FREM1: variants seen among roughly 807,000 people sequenced by gnomAD.
FREM1 encodes FRAS1-related extracellular matrix protein 1.
A neutral mutation model predicts 210.1 loss-of-function variants in FREM1; 220 were observed. That is an observed-to-expected ratio of 1.05 (90% confidence interval 0.94 to 1.17). FREM1 has a LOEUF of 1.17. Among genes scored for constraint, FREM1 ranks in the 50% most tolerant of loss-of-function variants. FREM1 has a pLI of 0.00. For synonymous variants in FREM1, 1,189 were observed against 980.2 expected (o/e 1.21, Z -3.98); for missense variants, 3,454 against 2,675.5 (o/e 1.29, Z -6.42).
intron 1 of FREM1, among the ~76,000 whole-genome samples, chr9:14,879,464 A>G (rs1028607980): frequency 2.0e-5 from 3 of 152,202 alleles, no homozygotes; most frequent in Non-Finnish European, 2.9e-5. Flanking sequence ...TTGTTTCATT[A>G]TTGCCACACA....
intron 11 of FREM1, 117 bp from the exon 12 acceptor site, chr9:14,824,232 C>T (rs1380413827): frequency 1.6e-6 from 1 of 635,966 alleles, no homozygotes; most frequent in Non-Finnish European, 2.8e-6. Context: ...GGTGCTCTAT[C>T]TTTATATTCT....
intron 21 of FREM1, 126 bp from the exon 22 acceptor site, chr9:14,793,010 C>T (rs1393848036): frequency 1.6e-6 from 1 of 613,882 alleles, no homozygotes; most frequent in Non-Finnish European, 2.7e-6. Flanking sequence ...ATATTCAAAG[C>T]ACTGAAGATG....
Position 14,851,618 on chromosome 9 carries a change from A to G in FREM1, c.829-11T>C. On this transcript the variant is annotated splice_polypyrimidine_tract_variant and intron_variant, in intron 5 of 36. Coordinates refer to ENST00000380880, the MANE Select transcript of FREM1 (RefSeq NM_001379081.2). ...CCACGCACTCTCTGACTTTTGAAGG[A>G]TAGAGAAAATATAAAGGAGGAAATA... 4 of 1,577,556 alleles carry G rather than the reference A, an allele frequency of 2.5e-6. No individual in the cohort carries two copies. Among genetic ancestry groups the G allele is most frequent in the Non-Finnish European group, 3.5e-6 (4 of 1,146,752 alleles).
At chr9:14,825,050 T>A (rs565065331) in intron 10 of FREM1, 58 bp from the exon 11 acceptor site, 44 of 1,184,880 alleles carry the variant, frequency 3.7e-5, no homozygotes, top group Admixed American at 2.4e-4. Context: ...ACAAAGAAAA[T>A]GCCCCACAAT....
intron 12 of FREM1, among the ~76,000 whole-genome samples, chr9:14,823,757 C>T (rs1368415455): frequency 6.6e-6 from 1 of 152,164 alleles, no homozygotes; most frequent in South Asian, 2.1e-4. Flanking sequence ...CACCAGATAC[C>T]CAAACTAGAG....
intron 33 of FREM1, 42 bp downstream of exon 33, chr9:14,747,222 A>G: frequency 1.9e-6 from 3 of 1,597,414 alleles, no homozygotes; most frequent in Non-Finnish European, 2.6e-6. Flanking sequence ...CCAGCAAACA[A>G]CTTGTTATAA....
At chr9:14,839,741 AAAG>A (rs1825306477) in intron 10 of FREM1, among the ~76,000 whole-genome samples, 1 of 152,202 alleles carries the variant, frequency 6.6e-6, no homozygotes, top group Non-Finnish European at 1.5e-5. Flanking sequence ...AAAGAAGAAA[AAAG>A]AAGTCCTGAA....
chr9:14,802,155 A>T (rs1343831630), intron 19 of FREM1, among the ~76,000 whole-genome samples: 1 of 152,204 alleles, frequency 6.6e-6, no homozygotes, highest in African/African-American at 2.4e-5. Context: ...TATTGTTCAT[A>T]AGTCAAAGGT....
At position 14,876,177 on chromosome 9, in the gene FREM1, C is replaced by T. The variant is rs552320842; in HGVS notation, c.-267-6933G>A. ...CTGCCCATTCTCAGATCTCCAGCTG[C>T]GTGCTGGGAGAACCACTGCTCTCTT... On this transcript the variant is annotated intron_variant, in intron 1 of 36. Transcript: ENST00000380880. 2.0e-4 allele frequency among the ~76,000 whole-genome samples: 30 copies of T among 151,288 alleles called. No individual in the cohort carries two copies. In the South Asian group the frequency reaches 2.3e-3, roughly 12 times the overall value.
chr9:14,737,730 G>T, intron 36 of FREM1, 135 bp from the exon 37 acceptor site: 1 of 645,024 alleles, frequency 1.6e-6, no homozygotes, highest in East Asian at 3.1e-5. Flanking sequence ...TAGGAACTTG[G>T]AATACTCTAA....
chr9:14,759,467 G>A (rs1256256341), intron 28 of FREM1, among the ~76,000 whole-genome samples: 1 of 147,574 alleles, frequency 6.8e-6, no homozygotes, highest in African/African-American at 2.5e-5. Flanking sequence ...CCGAGATTGT[G>A]CCATTGCACT....
chr9:14,741,103 T>C (rs1398959994), intron 35 of FREM1, among the ~76,000 whole-genome samples: 3 of 152,082 alleles, frequency 2.0e-5, no homozygotes, highest in Non-Finnish European at 4.4e-5. Context: ...TAAAATTAAA[T>C]TTTAAAAAAT....
intron 22 of FREM1, chr9:14,790,498 C>T (rs544949928): frequency 6.6e-6 from 1 of 152,240 alleles, no homozygotes; most frequent in African/African-American, 2.4e-5. Flanking sequence ...TTGTATTTCA[C>T]ATTTTCCCTT....
chr9:14,782,771 T>C (rs1183155249), intron 24 of FREM1, among the ~76,000 whole-genome samples: 1 of 152,246 alleles, frequency 6.6e-6, no homozygotes, highest in Non-Finnish European at 1.5e-5. Context: ...TGCCAGGTGT[T>C]GTTCTACTAA....
At chr9:14,825,547 G>GTGTGTATATATATATATATATATA in intron 10 of FREM1, among the ~76,000 whole-genome samples, 16 of 75,884 alleles carry the variant, frequency 2.1e-4, no homozygotes, top group South Asian at 1.5e-3. Flanking sequence ...GTGTGTGTGT[G>GTGTGTATATATATATATATATATA]TATATATATA....
At chr9:14,855,063 A>T (rs1828482335) in intron 5 of FREM1, among the ~76,000 whole-genome samples, 1 of 152,158 alleles carries the variant, frequency 6.6e-6, no homozygotes, top group South Asian at 2.1e-4. Context: ...AACATAAATG[A>T]TTTAATTATA....
intron 22 of FREM1, among the ~76,000 whole-genome samples, chr9:14,791,925 T>A (rs2201379): frequency 1.9e-3 from 285 of 151,980 alleles, no homozygotes; most frequent in African/African-American, 5.3e-3. Flanking sequence ...CTCTCCCCCC[T>A]CTCCCGGGTT....
At chr9:14,795,924 G>C (rs1852287000) in intron 21 of FREM1, among the ~76,000 whole-genome samples, 1 of 152,102 alleles carries the variant, frequency 6.6e-6, no homozygotes, top group Non-Finnish European at 1.5e-5. Flanking sequence ...CTCTTAAAAT[G>C]AGATCATCAA....
intron 1 of FREM1, among the ~76,000 whole-genome samples, chr9:14,873,178 C>T (rs1384171890): frequency 1.3e-5 from 2 of 151,984 alleles, no homozygotes; most frequent in Non-Finnish European, 2.9e-5. Flanking sequence ...ATGATGCTGG[C>T]CTCATAAAAT....
Sources: gnomAD v4.1 joint callset for allele counts (sites outside exome capture counted in the v4.1 genomes callset) on GRCh38, gnomAD v4.1.1 for gene constraint, MANE v1.5 for transcripts, NCBI Gene and HGNC (gene_info 2026-07-23, HGNC 2026-07-21) for gene names.